The following DPY19L3 variants were observed in gnomAD, a reference collection of about 807,000 sequenced individuals.
DPY19L3 encodes the protein dpy-19 like C-mannosyltransferase 3.
A neutral mutation model predicts 92.3 loss-of-function variants in DPY19L3; 51 were observed. That is an observed-to-expected ratio of 0.55 (90% CI 0.44 to 0.70). DPY19L3 has a LOEUF of 0.70. DPY19L3 is among the 30% of genes least tolerant of loss of function. The probability of loss-of-function intolerance (pLI) is 0.00; values close to 1 mark genes in which losing one functional copy is unlikely to be tolerated. For synonymous variants in DPY19L3, 309 were observed against 315.2 expected (o/e 0.98, Z 0.21); for missense variants, 706 against 855.9 (o/e 0.82, Z 2.18).
chr19:32,477,694 A>G, intron 17 of DPY19L3, 40 bp downstream of exon 17: 2 of 1,612,142 alleles, frequency 1.2e-6, no homozygotes, highest in South Asian at 2.2e-5. Flanking sequence ...CTTGTGGGCC[A>G]GCTATGGGCT....
At chr19:32,413,132 T>C (rs1432344209) in intron 3 of DPY19L3, 1 of 152,196 alleles carries the variant, frequency 6.6e-6, no homozygotes, top group Non-Finnish European at 1.5e-5. Flanking sequence ...TAACCTAAAC[T>C]GTGGTGTCTA....
At chr19:32,437,121 T>C in intron 5 of DPY19L3, 73 bp from the exon 6 acceptor site, 1 of 1,570,616 alleles carries the variant, frequency 6.4e-7, no homozygotes, top group East Asian at 2.2e-5. Context: ...GTATTCCTAC[T>C]GTCATGTTTT....
intron 3 of DPY19L3, among the ~76,000 whole-genome samples, chr19:32,422,359 A>G (rs1264674729): frequency 2.0e-5 from 3 of 152,206 alleles, no homozygotes; most frequent in African/African-American, 7.2e-5. Flanking sequence ...GAAGTGAAAT[A>G]TGAACTGGCA....
Position 32,482,265 on chromosome 19 carries a change from T to C in DPY19L3, c.*25T>C, listed in dbSNP as rs1410578247. On this transcript the variant is annotated 3_prime_UTR_variant, in exon 19 of 19. Transcript: ENST00000392250. ...GCGCAGATTTCTGCCCAGTGTCTAT[T>C]TTTGATACGGAGAAACTGCATCATG... 10 of 1,599,036 alleles carry C rather than the reference T, an allele frequency of 6.3e-6. No individual in the cohort carries two copies. Among genetic ancestry groups the C allele is most frequent in the Non-Finnish European group, 8.5e-6 (10 of 1,174,660 alleles).
At chr19:32,426,245 C>G (rs1968759401) in intron 3 of DPY19L3, among the ~76,000 whole-genome samples, 1 of 152,210 alleles carries the variant, frequency 6.6e-6, no homozygotes, top group Non-Finnish European at 1.5e-5. Context: ...GGGCCTTGCT[C>G]TGGATTAGGC....
intron 16 of DPY19L3, among the ~76,000 whole-genome samples, chr19:32,476,065 A>G (rs911398922): frequency 6.6e-6 from 1 of 152,186 alleles, no homozygotes; most frequent in African/African-American, 2.4e-5. Context: ...TCAAAAGTAA[A>G]CTATTTGTAA....
chr19:32,419,144 A>G (rs1288562177), intron 3 of DPY19L3, among the ~76,000 whole-genome samples: 1 of 150,534 alleles, frequency 6.6e-6, no homozygotes, highest in East Asian at 1.9e-4. Flanking sequence ...ATTTTAATAC[A>G]TATTGTATTT....
In DPY19L3 at chr19:32,415,852, C is replaced by T. The variant is rs149493817; in HGVS notation, c.237+4480C>T. Among the ~76,000 whole-genome samples the T allele has an allele frequency of 5.6e-3, 855 of 152,246 alleles. 12 individuals are homozygous for T. The highest frequency in any genetic ancestry group is 0.019 in the African/African-American group (783 of 41,538). On this transcript the variant is annotated intron_variant, in intron 3 of 18. Transcript: ENST00000392250. ...AGAAAGAAAATGAAAATGAATCCTA[C>T]GGTGAAAGTCACACGGGATGATGAG...
chr19:32,407,215 G>T (rs1442963532), intron 1 of DPY19L3, among the ~76,000 whole-genome samples: 2 of 147,916 alleles, frequency 1.4e-5, no homozygotes, highest in Non-Finnish European at 3.0e-5. Flanking sequence ...CTTACTCACT[G>T]CCACCACTCC....
chr19:32,464,498 TA>T (rs113969183), intron 14 of DPY19L3, among the ~76,000 whole-genome samples: 2 of 152,088 alleles, frequency 1.3e-5, no homozygotes, highest in South Asian at 2.1e-4. Context: ...ATATTTCTGG[TA>T]ATTTTTTAAG....
At position 32,463,505 on chromosome 19, in the gene DPY19L3, T is replaced by C. The variant is rs755033575; in HGVS notation, c.1445+17T>C. ...TACAATGAGGTATTTTTGTCTTACCTGTTTGTTTACTTTTTATTTGATCAC... is the reference window on the plus strand; with the variant it reads ...TACAATGAGGTATTTTTGTCTTACCCGTTTGTTTACTTTTTATTTGATCAC... On this transcript the variant is annotated intron_variant, in intron 13 of 18. Transcript: ENST00000392250. 1 of 1,607,048 alleles carries C rather than the reference T, an allele frequency of 6.2e-7. No individual in the cohort carries two copies. Among genetic ancestry groups the C allele is most frequent in the Admixed American group, 1.7e-5 (1 of 58,762 alleles).
chr19:32,458,621 T>G (rs1853053439), intron 12 of DPY19L3, 112 bp downstream of exon 12: 1 of 1,118,252 alleles, frequency 8.9e-7, no homozygotes, highest in Non-Finnish European at 1.3e-6. Context: ...AGTATTCATC[T>G]TAAAGGGGGA....
At chr19:32,461,105 A>G (rs543533464) in intron 12 of DPY19L3, among the ~76,000 whole-genome samples, 1 of 152,310 alleles carries the variant, frequency 6.6e-6, no homozygotes, top group East Asian at 1.9e-4. Flanking sequence ...ACCTCAAGTG[A>G]TCTGCCTGCC....
chr19:32,426,923 C>T (rs1189592205), intron 3 of DPY19L3, among the ~76,000 whole-genome samples: 1 of 152,150 alleles, frequency 6.6e-6, no homozygotes, highest in Non-Finnish European at 1.5e-5. Context: ...GAAAGTGAGG[C>T]ACAGTGAGAT....
chr19:32,461,686 T>TA lies in DPY19L3; in HGVS notation c.1323-1673dup, dbSNP rs201200787. 3.8e-3 allele frequency among the ~76,000 whole-genome samples: 583 copies of TA among 152,216 alleles called. 1 individual carries two copies. Among genetic ancestry groups the TA allele is most frequent in the African/African-American group, 0.013 (538 of 41,496 alleles). ...TAGGAAAAAAAGGATTTCTGGGAAATAAAAAAAGTCTCTAGTTACATAGAG... is the reference window on the plus strand; with the variant it reads ...TAGGAAAAAAAGGATTTCTGGGAAATAAAAAAAAGTCTCTAGTTACATAGAG... On this transcript the variant is annotated intron_variant, in intron 12 of 18. Coordinates refer to ENST00000392250, the MANE Select transcript of DPY19L3 (RefSeq NM_001172774.2).
chr19:32,442,527 G>A (rs757303505), intron 8 of DPY19L3, among the ~76,000 whole-genome samples: 58 of 152,252 alleles, frequency 3.8e-4, no homozygotes, highest in Admixed American at 6.5e-4. Flanking sequence ...AACATAAGAG[G>A]AATTTGAGAG....
intron 12 of DPY19L3, among the ~76,000 whole-genome samples, chr19:32,462,711 G>A (rs953927488): frequency 1.3e-5 from 2 of 152,120 alleles, no homozygotes; most frequent in South Asian, 2.1e-4. Flanking sequence ...GATATTTAAA[G>A]ATATATATTA....
chr19:32,480,869 T>C (rs1173265504), intron 18 of DPY19L3: 6 of 465,370 alleles, frequency 1.3e-5, no homozygotes, highest in Non-Finnish European at 1.9e-5. Flanking sequence ...ATTTTGCTGC[T>C]ATAAACAAAA....
intron 17 of DPY19L3, among the ~76,000 whole-genome samples, chr19:32,479,785 C>T (rs1482028577): frequency 6.6e-6 from 1 of 152,208 alleles, no homozygotes; most frequent in Non-Finnish European, 1.5e-5. Flanking sequence ...CCTCCTGTGG[C>T]GTTGCCCACG....
Sources: allele counts gnomAD v4.1 joint callset (sites outside exome capture counted in the v4.1 genomes callset), GRCh38; gene constraint gnomAD v4.1.1; transcripts MANE v1.5; gene names NCBI Gene and HGNC (gene_info 2026-07-23, HGNC 2026-07-21).